Variants in ERBB4 observed in about 807,000 individuals in gnomAD.
The protein encoded by ERBB4 is receptor tyrosine-protein kinase erbB-4.
ERBB4 carries 42 observed loss-of-function variants against 158.0 expected under a neutral mutation model. That is an observed-to-expected ratio of 0.27 (90% confidence interval 0.21 to 0.34). ERBB4 has a LOEUF of 0.34. Ranked by LOEUF, ERBB4 falls within the 10% of genes least tolerant of loss-of-function variation. The probability of loss-of-function intolerance (pLI) is 1.00; values close to 1 mark genes in which losing one functional copy is unlikely to be tolerated. For synonymous variants in ERBB4, 583 were observed against 558.7 expected (o/e 1.04, Z -0.61); for missense variants, 1,333 against 1,624.1 (o/e 0.82, Z 3.08).
intron 1 of ERBB4, among the ~76,000 whole-genome samples, chr2:212,137,518 T>C (rs1001207527): frequency 3.3e-5 from 5 of 152,220 alleles, no homozygotes; most frequent in African/African-American, 1.2e-4. Flanking sequence ...TGTTCTTTTT[T>C]GTAGCTGCAT....
At chr2:212,287,294 G>C (rs575448294) in intron 1 of ERBB4, among the ~76,000 whole-genome samples, 1 of 152,164 alleles carries the variant, frequency 6.6e-6, no homozygotes, top group Admixed American at 6.5e-5. Flanking sequence ...GCCCCAGCCA[G>C]TCACACTTGT....
intron 3 of ERBB4, among the ~76,000 whole-genome samples, chr2:211,943,615 CCTT>C (rs980988159): frequency 2.0e-5 from 3 of 152,042 alleles, no homozygotes; most frequent in Non-Finnish European, 4.4e-5. Flanking sequence ...GTTCCTCACT[CCTT>C]TATAGATTGT....
At chr2:212,058,269 A>G (rs1010734454) in intron 2 of ERBB4, among the ~76,000 whole-genome samples, 12 of 152,190 alleles carry the variant, frequency 7.9e-5, no homozygotes, top group Non-Finnish European at 1.6e-4. Context: ...ATAGACCCAT[A>G]ACAGGCTCTG....
intron 1 of ERBB4, among the ~76,000 whole-genome samples, chr2:212,517,613 T>C (rs576297204): frequency 3.9e-5 from 6 of 152,232 alleles, no homozygotes; most frequent in African/African-American, 1.4e-4. Flanking sequence ...TGCTCTTTTC[T>C]TTCATTCTCT....
intron 1 of ERBB4, among the ~76,000 whole-genome samples, chr2:212,350,457 G>A (rs1439953654): frequency 6.6e-6 from 1 of 152,004 alleles, no homozygotes; most frequent in Non-Finnish European, 1.5e-5. Context: ...TACTAACATG[G>A]AAAGATATAG....
intron 25 of ERBB4, among the ~76,000 whole-genome samples, chr2:211,411,158 C>T (rs959947822): frequency 2.0e-5 from 3 of 152,206 alleles, no homozygotes; most frequent in Non-Finnish European, 4.4e-5. Flanking sequence ...CCACCCACCT[C>T]AGCCTCCCAA....
intron 1 of ERBB4, among the ~76,000 whole-genome samples, chr2:212,413,642 T>A (rs2106494777): frequency 6.6e-6 from 1 of 152,278 alleles, no homozygotes; most frequent in East Asian, 1.9e-4. Flanking sequence ...GGGAACAGTA[T>A]GTTATAGCAG....
intron 1 of ERBB4, among the ~76,000 whole-genome samples, chr2:212,371,305 C>A (rs2090077143): frequency 6.6e-6 from 1 of 152,208 alleles, no homozygotes; most frequent in Admixed American, 6.5e-5. Flanking sequence ...AATCTAAATT[C>A]TTGTTCACTT....
chr2:211,562,769 CT>C (rs367801279), intron 19 of ERBB4, among the ~76,000 whole-genome samples: 1,473 of 125,662 alleles, frequency 0.012, 22 homozygotes, highest in African/African-American at 0.046. Flanking sequence ...ACTACTCCAA[CT>C]TTTTTTTTTT....
At chr2:211,875,959 T>C (rs1028056915) in intron 3 of ERBB4, among the ~76,000 whole-genome samples, 7 of 152,176 alleles carry the variant, frequency 4.6e-5, no homozygotes, top group Non-Finnish European at 1.0e-4. Context: ...TTTAGATTTG[T>C]GTAAATACAC....
intron 4 of ERBB4, chr2:211,778,132 G>T (rs1296764749): frequency 1.3e-5 from 2 of 152,186 alleles, no homozygotes; most frequent in Non-Finnish European, 2.9e-5. Context: ...CAGGATTGAA[G>T]CTGCTCCTTT....
At chr2:211,864,498 T>C (rs2078154076) in intron 3 of ERBB4, among the ~76,000 whole-genome samples, 1 of 152,168 alleles carries the variant, frequency 6.6e-6, no homozygotes, top group Non-Finnish European at 1.5e-5. Context: ...AGCAAAATGA[T>C]ACCAGGGTCT....
intron 20 of ERBB4, among the ~76,000 whole-genome samples, chr2:211,458,551 C>A (rs1250131717): frequency 6.6e-6 from 1 of 152,174 alleles, no homozygotes; most frequent in African/African-American, 2.4e-5. Flanking sequence ...AGGCGCGATC[C>A]ACCACGCCTG....
At chr2:211,963,584 T>C (rs986131271) in intron 2 of ERBB4, among the ~76,000 whole-genome samples, 4 of 152,252 alleles carry the variant, frequency 2.6e-5, no homozygotes, top group South Asian at 2.1e-4. Flanking sequence ...GATAAATAAA[T>C]ATCTATTTAT....
chr2:212,129,005 C>A (rs953480020), intron 1 of ERBB4, among the ~76,000 whole-genome samples: 7 of 151,872 alleles, frequency 4.6e-5, no homozygotes, highest in Non-Finnish European at 8.8e-5. Context: ...AATAAAATGA[C>A]TGTTGAGAAA....
intron 1 of ERBB4, among the ~76,000 whole-genome samples, chr2:212,392,034 G>A (rs1011210983): frequency 3.6e-4 from 55 of 151,386 alleles, no homozygotes; most frequent in Non-Finnish European, 1.2e-4. Flanking sequence ...CATCTTTACA[G>A]TTTTTATTGG....
intron 1 of ERBB4, among the ~76,000 whole-genome samples, chr2:212,264,207 A>G (rs544499353): frequency 6.0e-4 from 92 of 152,116 alleles, no homozygotes; most frequent in Non-Finnish European, 1.2e-3. Flanking sequence ...TTAGCACAAA[A>G]TTAAACCCAT....
At chr2:212,450,563 C>T (rs2092430702) in intron 1 of ERBB4, among the ~76,000 whole-genome samples, 1 of 152,042 alleles carries the variant, frequency 6.6e-6, no homozygotes, top group Admixed American at 6.6e-5. Context: ...TCAAAAAATA[C>T]AGTTCTGCTG....
rs79064703 is a variant in ERBB4, at chr2:212,034,896, C to T, written c.235-87280G>A. ...GGTTTCACTGGAACAAAGTGAATGT[C>T]CACCTTTTTCAAAATTCAGTTTGTG... On this transcript the variant is annotated intron_variant, in intron 2 of 27. Transcript: ENST00000342788. Among the ~76,000 whole-genome samples, 5 of 152,190 alleles carry T rather than the reference C, an allele frequency of 3.3e-5. No individual in the cohort carries two copies. The East Asian group carries it at 9.6e-4, about 29-fold the overall frequency.
Sources: gnomAD v4.1 joint callset for allele counts (sites outside exome capture counted in the v4.1 genomes callset) on GRCh38, gnomAD v4.1.1 for gene constraint, MANE v1.5 for transcripts, NCBI Gene and HGNC (gene_info 2026-07-23, HGNC 2026-07-21) for gene names.